NOX4: variants seen among roughly 807,000 people sequenced by gnomAD.
NOX4 encodes kidney oxidase-1.
Under a neutral mutation model 87.6 loss-of-function variants are expected in NOX4, and 69 were observed. The ratio of observed to expected loss-of-function variants is 0.79; its 90% CI spans 0.65 to 0.96. The LOEUF (loss-of-function observed/expected upper bound fraction) is 0.96. Ranked by LOEUF, NOX4 falls within the 40% of genes least tolerant of loss-of-function variation. NOX4 has a pLI of 0.00. For synonymous variants in NOX4, 275 were observed against 238.2 expected (o/e 1.15, Z -1.42); for missense variants, 680 against 681.5 (o/e 1.00, Z 0.02).
At chr11:89,499,702 CATACCACACTGTATA>C (rs1946997255), upstream of NOX4, among the ~76,000 whole-genome samples, 2 of 152,274 alleles carry the variant, frequency 1.3e-5, no homozygotes, top group East Asian at 3.9e-4. Flanking sequence ...AATGTTAGTG[CATACCACACTGTATA>C]ATACGTTGGT....
At chr11:89,576,776 ATT>A in the NOX4 span, 1 of 151,474 alleles carries the variant, frequency 6.6e-6, no homozygotes, top group African/African-American at 2.4e-5. Flanking sequence ...CAGAGTAAGA[ATT>A]TTTTTTTAGT....
chr11:89,347,091 T>C (rs537639692), intron 13 of NOX4, among the ~76,000 whole-genome samples: 3 of 152,204 alleles, frequency 2.0e-5, no homozygotes, highest in East Asian at 3.9e-4. Flanking sequence ...GATTAGAAGA[T>C]GAAAGACAGT....
chr11:89,497,895 G>C (rs1591386190), intron 1 of NOX4: 1 of 152,088 alleles, frequency 6.6e-6, no homozygotes, highest in East Asian at 1.9e-4. Context: ...ACACTAATAT[G>C]ATATTCTGTA....
intron 8 of NOX4, among the ~76,000 whole-genome samples, chr11:89,414,660 T>G (rs1942666809): frequency 1.3e-5 from 2 of 149,722 alleles, no homozygotes; most frequent in African/African-American, 4.9e-5. Context: ...TACATTATAT[T>G]ATAGAGTTAT....
intron 12 of NOX4, among the ~76,000 whole-genome samples, chr11:89,367,064 A>G (rs1456029258): frequency 6.6e-6 from 1 of 152,128 alleles, no homozygotes; most frequent in Non-Finnish European, 1.5e-5. Context: ...GTTCACATTC[A>G]TTGAATGATT....
chr11:89,464,394 G>T (rs16913305), intron 2 of NOX4, among the ~76,000 whole-genome samples: 3,102 of 152,164 alleles, frequency 0.02, 115 homozygotes, highest in African/African-American at 0.069. Context: ...AGTACAAAAG[G>T]TTCTCATTCA....
chr11:89,537,270 CCTA>C, the NOX4 span, among the ~76,000 whole-genome samples: 7 of 152,102 alleles, frequency 4.6e-5, no homozygotes, highest in East Asian at 1.4e-3. Context: ...AACATTATGA[CCTA>C]CTGAGTATAT....
At chr11:89,389,400 T>G (rs1325074697) in intron 11 of NOX4, among the ~76,000 whole-genome samples, 2 of 152,190 alleles carry the variant, frequency 1.3e-5, no homozygotes, top group Admixed American at 1.3e-4. Flanking sequence ...AAAAGCTTAA[T>G]CTCCATCTTA....
At chr11:89,565,975 C>T in the NOX4 span, among the ~76,000 whole-genome samples, 3 of 151,682 alleles carry the variant, frequency 2.0e-5, no homozygotes, top group African/African-American at 7.3e-5. Flanking sequence ...TGGATTTGTG[C>T]ACTAATGATT....
intron 8 of NOX4, among the ~76,000 whole-genome samples, chr11:89,420,664 T>A (rs908189014): frequency 1.3e-5 from 2 of 152,118 alleles, no homozygotes; most frequent in African/African-American, 4.8e-5. Context: ...ATATGATCAA[T>A]GTAAATGACC....
intron 17 of NOX4, among the ~76,000 whole-genome samples, chr11:89,331,968 T>C (rs181395607): frequency 1.3e-5 from 2 of 151,780 alleles, no homozygotes; most frequent in African/African-American, 4.8e-5. Flanking sequence ...TGTACTAAAT[T>C]TGCATTAGAA....
In NOX4 at chr11:89,407,327, C is replaced by A. The variant is rs865969283; in HGVS notation, c.630-4785G>T. Among the ~76,000 whole-genome samples, 5 of 152,014 alleles carry A rather than the reference C, an allele frequency of 3.3e-5. No homozygotes were observed. The South Asian group carries it at 6.2e-4, about 19-fold the overall frequency. Reference sequence around the variant, plus strand: ...AGTGAATGGTAAACAGAGAGTCTTGCCAAGTTATAATGACATGGTGAGGGA... The same window carrying A: ...AGTGAATGGTAAACAGAGAGTCTTGACAAGTTATAATGACATGGTGAGGGA... On this transcript the variant is annotated intron_variant, in intron 8 of 17. Transcript: ENST00000263317.
the NOX4 span, among the ~76,000 whole-genome samples, chr11:89,565,044 G>T: frequency 6.6e-6 from 1 of 152,040 alleles, no homozygotes; most frequent in South Asian, 2.1e-4. Flanking sequence ...AAAAATACCT[G>T]CTGGGATTTT....
upstream of NOX4, chr11:89,492,258 T>A (rs1014769227): frequency 1.1e-4 from 16 of 152,060 alleles, no homozygotes; most frequent in African/African-American, 3.6e-4. Context: ...GAGAAAAAAA[T>A]GTCATTCATG....
intron 13 of NOX4, among the ~76,000 whole-genome samples, chr11:89,342,639 G>A (rs1348172854): frequency 6.6e-6 from 1 of 152,064 alleles, no homozygotes; most frequent in African/African-American, 2.4e-5. Context: ...CATTTACTAT[G>A]TGAACAGAAA....
chr11:89,508,281 T>C, the NOX4 span, among the ~76,000 whole-genome samples: 3 of 152,076 alleles, frequency 2.0e-5, no homozygotes, highest in Non-Finnish European at 4.4e-5. Context: ...ACAGGTGTGA[T>C]GTCTTGTAAA....
chr11:89,325,133 T>A lies in NOX4; in HGVS notation c.*1623A>T, dbSNP rs541524119. ...TTTAATTCTTTTTTTTTTTTTTTTT[T>A]TTTTTTTTTGAGATGGAATCTTGCT... On this transcript the variant is annotated 3_prime_UTR_variant, in exon 18 of 18. Coordinates refer to ENST00000263317, the MANE Select transcript of NOX4 (RefSeq NM_016931.5). 1 of 133,452 alleles carries A rather than the reference T, an allele frequency of 7.5e-6. No individual in the cohort carries two copies. The highest frequency in any genetic ancestry group is 3.1e-5 in the African/African-American group (1 of 32,648). 8.3% of individuals were successfully genotyped at this position (133,452 alleles called of 1,614,324 possible).
upstream of NOX4, among the ~76,000 whole-genome samples, chr11:89,491,765 C>CACACAA (rs1308528488): frequency 1.9e-4 from 24 of 125,630 alleles, no homozygotes; most frequent in African/African-American, 6.3e-4. Context: ...CACACACACA[C>CACACAA]AAGAAGACAC....
At chr11:89,564,676 A>G in the NOX4 span, among the ~76,000 whole-genome samples, 3 of 151,902 alleles carry the variant, frequency 2.0e-5, no homozygotes, top group African/African-American at 7.3e-5. Context: ...TCAACATTAC[A>G]TTTCTTCAGG....
Sources: allele counts gnomAD v4.1 joint callset (sites outside exome capture counted in the v4.1 genomes callset), GRCh38; gene constraint gnomAD v4.1.1; transcripts MANE v1.5; gene names NCBI Gene and HGNC (gene_info 2026-07-23, HGNC 2026-07-21).